Variants in ADGB observed in about 807,000 individuals in gnomAD.
ADGB encodes calpain-7-like protein.
ADGB carries 172 observed loss-of-function variants against 210.5 expected under a neutral mutation model. The ratio of observed to expected loss-of-function variants is 0.82; its 90% CI spans 0.72 to 0.93. ADGB has a LOEUF of 0.93. Ranked by LOEUF, ADGB falls within the 40% of genes least tolerant of loss-of-function variation. The pLI, the probability that ADGB is intolerant of heterozygous loss-of-function variation, is 0.00. For missense variants in ADGB, 2,025 were observed against 1,964.8 expected (o/e 1.03, Z -0.58); for synonymous variants, 658 against 662.7 (o/e 0.99, Z 0.11).
chr6:146,615,188 G>C (rs929955323), intron 1 of ADGB, among the ~76,000 whole-genome samples: 2 of 151,932 alleles, frequency 1.3e-5, no homozygotes, highest in Non-Finnish European at 2.9e-5. Flanking sequence ...TTACAGGCGT[G>C]AGCCACCACA....
At chr6:146,699,825 T>G (rs1381031167) in intron 12 of ADGB, among the ~76,000 whole-genome samples, 1 of 152,162 alleles carries the variant, frequency 6.6e-6, no homozygotes, top group African/African-American at 2.4e-5. Flanking sequence ...AGCCAGCCTT[T>G]TAGAATCTCT....
At chr6:146,672,929 C>T (rs1426100962) in intron 8 of ADGB, among the ~76,000 whole-genome samples, 2 of 151,878 alleles carry the variant, frequency 1.3e-5, no homozygotes, top group East Asian at 1.9e-4. Context: ...CAGGGTTTCA[C>T]CATGTTGGCC....
intron 35 of ADGB, among the ~76,000 whole-genome samples, chr6:146,811,766 G>A (rs1181914944): frequency 1.3e-5 from 2 of 152,074 alleles, no homozygotes; most frequent in East Asian, 3.9e-4. Context: ...CCACCTCCCA[G>A]GTTCAAGTGA....
At chr6:146,725,981 CTTT>C (rs1432490492) in intron 18 of ADGB, 99 bp from the exon 19 acceptor site, 1 of 652,994 alleles carries the variant, frequency 1.5e-6, no homozygotes, top group African/African-American at 1.8e-5. Context: ...CTTCCCTAAC[CTTT>C]TACTTCATTT....
At chr6:146,793,839 T>TACA (rs367896811) in intron 33 of ADGB, among the ~76,000 whole-genome samples, 38 of 152,330 alleles carry the variant, frequency 2.5e-4, no homozygotes, top group African/African-American at 8.7e-4. Flanking sequence ...CCTAAGAAGG[T>TACA]ACAAAGTCCT....
intron 35 of ADGB, among the ~76,000 whole-genome samples, chr6:146,806,961 C>G (rs1361435603): frequency 6.6e-6 from 1 of 152,154 alleles, no homozygotes; most frequent in Non-Finnish European, 1.5e-5. Context: ...AGCAAAGTAA[C>G]CAACGGATTT....
rs539617001 is a variant in ADGB at position 146,627,694 on chromosome 6, C to T, written c.75-7681C>T. Among the ~76,000 whole-genome samples the T allele has an allele frequency of 1.6e-3, 244 of 152,214 alleles. 2 individuals are homozygous for T. Among genetic ancestry groups the T allele is most frequent in the African/African-American group, 5.8e-3 (242 of 41,548 alleles). ...CCTCATGCACATGTGCTAACAAATACTTTGCTAAATATTCGTAGGTGACTC... is the reference window on the plus strand; with the variant it reads ...CCTCATGCACATGTGCTAACAAATATTTTGCTAAATATTCGTAGGTGACTC... On this transcript the variant is annotated intron_variant, in intron 1 of 35. Transcript: ENST00000397944.
At chr6:146,701,260 C>T (rs1776485633) in intron 13 of ADGB, among the ~76,000 whole-genome samples, 190 bp downstream of exon 13, 1 of 151,906 alleles carries the variant, frequency 6.6e-6, no homozygotes, top group African/African-American at 2.4e-5. Flanking sequence ...TATAGAAGTC[C>T]CCTGTGTGTT....
In ADGB at chr6:146,608,258, T is replaced by TTTATTA. The variant is rs563744735; in HGVS notation, c.74+9157_74+9162dup. Reference sequence around the variant, plus strand: ...TTCTGCAGAGCCAGCGGTAGTGTGTTTTATTATTATTATTATTAATGTAGC... The same window carrying TTTATTA: ...TTCTGCAGAGCCAGCGGTAGTGTGTTTTATTATTATTATTATTATTATTAATGTAGC... On this transcript the variant is annotated intron_variant, in intron 1 of 35. Transcript: ENST00000397944. 1.3e-5 allele frequency among the ~76,000 whole-genome samples: 2 copies of TTTATTA among 151,746 alleles called. 1 individual carries two copies. The highest frequency in any genetic ancestry group is 2.9e-5 in the Non-Finnish European group (2 of 67,874).
chr6:146,707,558 G>A (rs1182964456), intron 13 of ADGB, among the ~76,000 whole-genome samples: 1 of 151,994 alleles, frequency 6.6e-6, no homozygotes, highest in Admixed American at 6.5e-5. Flanking sequence ...ATCCTGTTAA[G>A]AAATTGACAC....
intron 33 of ADGB, among the ~76,000 whole-genome samples, chr6:146,792,614 C>G (rs1402812301): frequency 2.6e-5 from 4 of 151,968 alleles, no homozygotes; most frequent in African/African-American, 9.7e-5. Flanking sequence ...CCAGTTTCAG[C>G]TCATCTGCTC....
chr6:146,771,506 A>G (rs1777652841), intron 29 of ADGB, among the ~76,000 whole-genome samples: 1 of 151,844 alleles, frequency 6.6e-6, no homozygotes, highest in Admixed American at 6.6e-5. Flanking sequence ...CCCTATTCCT[A>G]CTTCCCCTGT....
intron 26 of ADGB, among the ~76,000 whole-genome samples, chr6:146,748,163 T>A (rs1397424063): frequency 4.0e-5 from 6 of 151,874 alleles, no homozygotes; most frequent in Admixed American, 6.6e-5. Flanking sequence ...AGACGTGGAA[T>A]ATGGAAAAAA....
chr6:146,732,989 T>C (rs1469501037), intron 20 of ADGB, 131 bp from the exon 21 acceptor site: 8 of 653,572 alleles, frequency 1.2e-5, no homozygotes, highest in Non-Finnish European at 1.9e-5. Flanking sequence ...TCAAAGAATC[T>C]TCTGTTAGGT....
chr6:146,743,747 C>G (rs979076830), intron 25 of ADGB, among the ~76,000 whole-genome samples: 1 of 152,150 alleles, frequency 6.6e-6, no homozygotes, highest in South Asian at 2.1e-4. Flanking sequence ...AAGCCTGTCT[C>G]TACTAATAAT....
At chr6:146,729,527 T>C (rs939057441) in intron 20 of ADGB, among the ~76,000 whole-genome samples, 1 of 152,040 alleles carries the variant, frequency 6.6e-6, no homozygotes, top group Non-Finnish European at 1.5e-5. Flanking sequence ...CCTGAACTCC[T>C]GGGCTCAAGT....
chr6:146,644,717 GT>G (rs1044160815), intron 2 of ADGB, 55 bp from the exon 3 acceptor site: 14 of 1,061,820 alleles, frequency 1.3e-5, no homozygotes, highest in East Asian at 8.4e-5. Flanking sequence ...TATTAAAATT[GT>G]TTTTTTATTT....
intron 5 of ADGB, among the ~76,000 whole-genome samples, chr6:146,657,216 C>T (rs1267507320): frequency 6.6e-6 from 1 of 151,834 alleles, no homozygotes; most frequent in Non-Finnish European, 1.5e-5. Context: ...ATCCCACCTA[C>T]TCCGGAGGCT....
At chr6:146,735,986 A>G (rs1437598440) in intron 22 of ADGB, among the ~76,000 whole-genome samples, 1 of 152,208 alleles carries the variant, frequency 6.6e-6, no homozygotes, top group Non-Finnish European at 1.5e-5. Context: ...AGAAATTAAG[A>G]TAGGATAATT....
Sources: allele counts gnomAD v4.1 joint callset (sites outside exome capture counted in the v4.1 genomes callset), GRCh38; gene constraint gnomAD v4.1.1; transcripts MANE v1.5; gene names NCBI Gene and HGNC (gene_info 2026-07-23, HGNC 2026-07-21).